MYO1D: variants seen among roughly 807,000 people sequenced by gnomAD.
MYO1D encodes myosin ID.
In MYO1D, 83 loss-of-function variants were observed where a neutral mutation model predicts 122.0. The ratio of observed to expected loss-of-function variants is 0.68; its 90% CI spans 0.57 to 0.82. The LOEUF (loss-of-function observed/expected upper bound fraction) is 0.82, where lower values mean the gene tolerates loss of function less well. MYO1D is among the 40% of genes least tolerant of loss of function. The pLI, the probability that MYO1D is intolerant of heterozygous loss-of-function variation, is 0.00. For synonymous variants in MYO1D, 464 were observed against 446.9 expected, an observed-to-expected ratio of 1.04 and a Z score of -0.48; for missense variants, 1,157 against 1,269.5, an observed-to-expected ratio of 0.91 and a Z score of 1.35.
At chr17:32,536,065 C>T (rs1910657374) in intron 21 of MYO1D, among the ~76,000 whole-genome samples, 1 of 151,670 alleles carries the variant, frequency 6.6e-6, no homozygotes, top group South Asian at 2.1e-4. Flanking sequence ...TGGAGTCTTG[C>T]TCTGTTGCCC....
chr17:32,653,227 T>G (rs2088421875), intron 19 of MYO1D, among the ~76,000 whole-genome samples: 1 of 151,668 alleles, frequency 6.6e-6, no homozygotes, highest in Admixed American at 6.6e-5. Flanking sequence ...ACAGCTGCTA[T>G]GAAAGATACA....
intron 21 of MYO1D, among the ~76,000 whole-genome samples, chr17:32,600,912 G>A (rs114778573): frequency 0.01 from 1,516 of 150,340 alleles, 24 homozygotes; most frequent in African/African-American, 0.034. Flanking sequence ...TTCAACCTGC[G>A]TTCCTCACTA....
At chr17:32,849,774 T>C (rs1371829103) in intron 1 of MYO1D, among the ~76,000 whole-genome samples, 2 of 151,462 alleles carry the variant, frequency 1.3e-5, no homozygotes, top group Admixed American at 6.6e-5. Context: ...GTAACTAACC[T>C]GCACAATGTG....
intron 16 of MYO1D, chr17:32,659,564 A>T: frequency 1.8e-6 from 1 of 562,518 alleles, no homozygotes; most frequent in Non-Finnish European, 3.2e-6. Context: ...ATTATTCTAC[A>T]CTGAAGTGTG....
chr17:32,623,926 C>T (rs950451113), intron 20 of MYO1D, among the ~76,000 whole-genome samples: 19 of 152,260 alleles, frequency 1.2e-4, no homozygotes, highest in Non-Finnish European at 2.4e-4. Context: ...GTCCCATCTC[C>T]GAGTTCCATC....
At chr17:32,827,586 A>G (rs978480944) in intron 1 of MYO1D, among the ~76,000 whole-genome samples, 2 of 152,270 alleles carry the variant, frequency 1.3e-5, no homozygotes, top group African/African-American at 4.8e-5. Context: ...TTTTACTACA[A>G]TAAAAAAATT....
chr17:32,775,759 T>C, intron 4 of MYO1D, 105 bp downstream of exon 4: 1 of 984,928 alleles, frequency 1.0e-6, no homozygotes. Flanking sequence ...GAAGGGAGAA[T>C]AGGATTTAAA....
intron 17 of MYO1D, 70 bp from the exon 18 acceptor site, chr17:32,654,691 TTTTTC>T: frequency 5.7e-6 from 8 of 1,410,646 alleles, no homozygotes; most frequent in Middle Eastern, 2.4e-4. Flanking sequence ...TCTCTTTTTT[TTTTTC>T]TTTTTTGAGT....
chr17:32,528,129 G>GC (rs891896995), intron 21 of MYO1D, among the ~76,000 whole-genome samples: 3 of 152,202 alleles, frequency 2.0e-5, no homozygotes, highest in Admixed American at 2.0e-4. Flanking sequence ...GAGCCACTGC[G>GC]CCCGGCTGAC....
chr17:32,784,689 TA>T lies in MYO1D; in HGVS notation c.96-3906del, dbSNP rs536403717. ...TAAAGGAATTCTGAAACCTTTTTTT[TA>T]AAGTAGCCTTGTTAATTTGCATGTG... On this transcript the variant is annotated intron_variant, in intron 1 of 21. Transcript: ENST00000318217. Among the ~76,000 whole-genome samples the T allele has an allele frequency of 2.3e-3, 356 of 152,290 alleles. 4 individuals are homozygous for T. Among genetic ancestry groups the T allele is most frequent in the African/African-American group, 7.3e-3 (304 of 41,554 alleles).
At chr17:32,683,963 A>T (rs1482936024) in intron 16 of MYO1D, among the ~76,000 whole-genome samples, 1 of 152,016 alleles carries the variant, frequency 6.6e-6, no homozygotes, top group Non-Finnish European at 1.5e-5. Flanking sequence ...GCCGTTTTTT[A>T]AGCCGGCCTG....
At chr17:32,695,244 T>C (rs961659623) in intron 16 of MYO1D, among the ~76,000 whole-genome samples, 3 of 152,232 alleles carry the variant, frequency 2.0e-5, no homozygotes, top group Non-Finnish European at 4.4e-5. Context: ...CCTAGATCCC[T>C]TGCATGCGCA....
At chr17:32,796,014 C>CT (rs2090413026) in intron 1 of MYO1D, among the ~76,000 whole-genome samples, 1 of 152,182 alleles carries the variant, frequency 6.6e-6, no homozygotes, top group Non-Finnish European at 1.5e-5. Flanking sequence ...CTTAACGGTG[C>CT]TGAGTGTCCA....
chr17:32,867,092 C>G (rs1425638898), intron 1 of MYO1D, among the ~76,000 whole-genome samples: 2 of 152,018 alleles, frequency 1.3e-5, no homozygotes, highest in African/African-American at 2.4e-5. Flanking sequence ...TCTTGGGAGG[C>G]CAAGGCGGGT....
intron 3 of MYO1D, among the ~76,000 whole-genome samples, chr17:32,777,793 G>A (rs941990008): frequency 6.6e-6 from 1 of 152,192 alleles, no homozygotes; most frequent in Middle Eastern, 3.4e-3. Context: ...AATTAGCCGG[G>A]CGCAGTGGCC....
intron 1 of MYO1D, among the ~76,000 whole-genome samples, chr17:32,857,699 C>T (rs1011659709): frequency 1.3e-5 from 2 of 152,170 alleles, no homozygotes; most frequent in Non-Finnish European, 2.9e-5. Context: ...CTCTCCCTTG[C>T]CATTCTTACT....
chr17:32,869,045 C>G (rs947382133), intron 1 of MYO1D, among the ~76,000 whole-genome samples: 5 of 117,294 alleles, frequency 4.3e-5, no homozygotes, highest in Non-Finnish European at 5.2e-5. Context: ...CCCATCTCTA[C>G]TAAAAATACA....
chr17:32,805,375 G>A (rs1181756586), intron 1 of MYO1D, among the ~76,000 whole-genome samples: 1 of 152,138 alleles, frequency 6.6e-6, no homozygotes, highest in African/African-American at 2.4e-5. Context: ...CTAATCCTTT[G>A]CAAAATAAGC....
At chr17:32,593,610 G>A (rs1245147785) in intron 21 of MYO1D, among the ~76,000 whole-genome samples, 1 of 152,098 alleles carries the variant, frequency 6.6e-6, no homozygotes, top group East Asian at 1.9e-4. Context: ...TAATTTCAAG[G>A]ATTAACTATA....
Sources: allele counts gnomAD v4.1 joint callset (sites outside exome capture counted in the v4.1 genomes callset), GRCh38; gene constraint gnomAD v4.1.1; transcripts MANE v1.5; gene names NCBI Gene and HGNC (gene_info 2026-07-23, HGNC 2026-07-21).